The following PDE10A variants were observed in gnomAD, a reference collection of about 807,000 sequenced individuals.
PDE10A encodes the protein cAMP and cAMP-inhibited cGMP 3',5'-cyclic phosphodiesterase 10A.
PDE10A carries 39 observed loss-of-function variants against 97.7 expected under a neutral mutation model. The observed-to-expected ratio is 0.40, with a 90% CI of 0.31 to 0.52. The LOEUF is 0.52. Ranked by LOEUF, PDE10A falls within the 20% of genes least tolerant of loss-of-function variation. PDE10A has a pLI of 0.56. For synonymous variants in PDE10A, 371 were observed against 376.8 expected, an observed-to-expected ratio of 0.98 and a Z score of 0.18; for missense variants, 731 against 1,047.8, an observed-to-expected ratio of 0.70 and a Z score of 4.17.
chr6:165,482,318 G>T lies in PDE10A; in HGVS notation c.1020C>A (p.Ser340Arg). Reference sequence around the variant, plus strand: ...AAATAATATTCACATCACTTACCCTGCTGACTTCCTTAGGAGCTGATTCAT... The same window carrying T: ...AAATAATATTCACATCACTTACCCTTCTGACTTCCTTAGGAGCTGATTCAT... Reference protein sequence around the residue: ...SEDESAPKEVSRYQDTNMQGV... With the variant: ...SEDESAPKEVRRYQDTNMQGV... The change falls in exon 3 of 22, where the codon AGC (serine) becomes AGA (arginine). Residue 340 changes from serine to arginine, a missense_variant. Physicochemically the swap from Ser to Arg is moderately radical, Grantham distance 110. Coordinates refer to ENST00000539869, the MANE Select transcript of PDE10A (RefSeq NM_001385079.1). 1 of 1,595,092 alleles carries T rather than the reference G, an allele frequency of 6.3e-7. No homozygotes were observed. The highest frequency in any genetic ancestry group is 8.6e-7 in the Non-Finnish European group (1 of 1,162,938).
At chr6:165,659,050 T>C (rs1180097759) in intron 1 of PDE10A, among the ~76,000 whole-genome samples, 2 of 152,146 alleles carry the variant, frequency 1.3e-5, no homozygotes, top group African/African-American at 4.8e-5. Context: ...TGGCGGTAGC[T>C]CTTACTAAGT....
intron 1 of PDE10A, among the ~76,000 whole-genome samples, chr6:165,650,866 T>C (rs144962231): frequency 0.011 from 1,745 of 152,254 alleles, 12 homozygotes; most frequent in Middle Eastern, 0.02. Flanking sequence ...GCCTCCCCAG[T>C]AGCTGGGACT....
chr6:165,448,657 A>C (rs1034256858), intron 5 of PDE10A, among the ~76,000 whole-genome samples: 20 of 151,820 alleles, frequency 1.3e-4, no homozygotes, highest in Admixed American at 1.3e-4. Flanking sequence ...CACAACACTA[A>C]ATCTAGAAAT....
intron 1 of PDE10A, among the ~76,000 whole-genome samples, chr6:165,707,624 ATGTGT>A (rs1263164367): frequency 3.3e-5 from 5 of 151,316 alleles, no homozygotes; most frequent in Admixed American, 6.6e-5. Context: ...ATGTGTGAGC[ATGTGT>A]TGTGTGTGTG....
intron 1 of PDE10A, among the ~76,000 whole-genome samples, chr6:165,943,253 AGG>A (rs1235184282): frequency 6.4e-4 from 66 of 103,888 alleles, no homozygotes; most frequent in Non-Finnish European, 8.2e-4. Flanking sequence ...GAAGGAAGGA[AGG>A]AAGGAAGGAA....
Position 165,662,019 on chromosome 6 carries a change from A to C in PDE10A, c.793T>G (p.Ser265Ala). 6.7e-7 allele frequency: 1 copy of C among 1,503,336 alleles called. No homozygotes were observed. Among genetic ancestry groups the C allele is most frequent in the Non-Finnish European group, 8.9e-7 (1 of 1,117,374 alleles). 93.1% of individuals were successfully genotyped at this position (1,503,336 alleles called of 1,614,324 possible). The change falls in exon 1 of 22, where the codon TCC becomes GCC. Residue 265 changes from serine (S) to alanine (A), a missense_variant. By Grantham distance (99) the Ser-to-Ala change is moderately conservative. Coordinates refer to ENST00000539869, the MANE Select transcript of PDE10A (RefSeq NM_001385079.1). ...LAAAAALLFG[S>A]DMEDGPSNNA... ...TTAGAAGGTCCATCTTCCATGTCGG[A>C]GCCGAAGAGCAGCGCGGCCGCGGCG...
At chr6:165,894,154 A>G (rs1239566808) in intron 1 of PDE10A, 3 of 368,340 alleles carry the variant, frequency 8.1e-6, no homozygotes, top group African/African-American at 6.4e-5. Context: ...TGTTTGTTCA[A>G]TATGACAGCT....
At chr6:165,677,654 T>G (rs1486792827) in intron 1 of PDE10A, among the ~76,000 whole-genome samples, 2 of 152,198 alleles carry the variant, frequency 1.3e-5, no homozygotes, top group Non-Finnish European at 2.9e-5. Context: ...CCACATCATT[T>G]TATATCAGGG....
chr6:165,883,122 G>C (rs965314146), intron 1 of PDE10A, among the ~76,000 whole-genome samples: 1 of 152,212 alleles, frequency 6.6e-6, no homozygotes, highest in South Asian at 2.1e-4. Context: ...TGCAGTCCCA[G>C]CTACTCAGGA....
intron 1 of PDE10A, among the ~76,000 whole-genome samples, chr6:165,792,774 G>A (rs1042281624): frequency 6.6e-6 from 1 of 152,140 alleles, no homozygotes; most frequent in Non-Finnish European, 1.5e-5. Flanking sequence ...ACCCCTATCC[G>A]ACCTAACACG....
In PDE10A at chr6:165,831,264, T is replaced by C. The variant is rs139645693; in HGVS notation, c.-615+156265A>G. On this transcript the variant is annotated intron_variant, in intron 1 of 19. Transcript: ENST00000366882. ...GTAGGCGCCTGCAGTCCCAGCTACT[T>C]GGGAGGCTGAGGCAGGAGAATGGTG... 2.0e-3 allele frequency among the ~76,000 whole-genome samples: 281 copies of C among 141,190 alleles called. 1 individual carries two copies. Among genetic ancestry groups the C allele is most frequent in the African/African-American group, 6.9e-3 (262 of 37,828 alleles). The allele number at this position is 141,190 out of a possible 152,430, so 92.6% of individuals were successfully genotyped here.
rs372600844 is a variant in PDE10A at position 165,328,952 on chromosome 6, G to A, written c.*4073C>T. 3.9e-5 allele frequency: 6 copies of A among 152,292 alleles called. No individual in the cohort carries two copies. The East Asian group carries it at 5.8e-4, about 15-fold the overall frequency. The allele number at this position is 152,292 out of a possible 1,614,324, so 9.4% of individuals were successfully genotyped here. ...ACATGTAAAAATCTCATGGCCATGC[G>A]CTGAAAGCATGGGGAAACTATAACG... is the stretch of plus-strand genomic sequence containing the variant. On this transcript the variant is annotated 3_prime_UTR_variant, in exon 22 of 22. Coordinates refer to ENST00000539869, the MANE Select transcript of PDE10A (RefSeq NM_001385079.1).
chr6:165,709,668 G>C (rs1251862567), intron 1 of PDE10A, among the ~76,000 whole-genome samples: 1 of 32,730 alleles, frequency 3.1e-5, no homozygotes, highest in Non-Finnish European at 5.3e-5. Flanking sequence ...CCAATGCTGC[G>C]GCTCTCCCCC....
chr6:165,552,184 T>C (rs1183620695), intron 1 of PDE10A, among the ~76,000 whole-genome samples: 1 of 152,198 alleles, frequency 6.6e-6, no homozygotes, highest in Non-Finnish European at 1.5e-5. Flanking sequence ...TTCTTACTTA[T>C]TAGTAGGAAT....
chr6:165,367,930 A>G (rs1428159458), intron 18 of PDE10A, among the ~76,000 whole-genome samples: 1 of 152,238 alleles, frequency 6.6e-6, no homozygotes, highest in African/African-American at 2.4e-5. Flanking sequence ...TTGGATTTAC[A>G]TTAATGAATT....
chr6:165,896,889 TG>T (rs927677296), intron 1 of PDE10A, among the ~76,000 whole-genome samples: 1 of 151,986 alleles, frequency 6.6e-6, no homozygotes, highest in Non-Finnish European at 1.5e-5. Context: ...AGGCTGGTCG[TG>T]AACTCCAGAC....
intron 18 of PDE10A, among the ~76,000 whole-genome samples, chr6:165,372,021 TCAA>T (rs1339645618): frequency 6.6e-6 from 1 of 150,418 alleles, no homozygotes; most frequent in East Asian, 1.9e-4. Context: ...TTGACAAAAT[TCAA>T]CAACCCTTCA....
At chr6:165,789,027 T>A (rs1208609237) in intron 1 of PDE10A, among the ~76,000 whole-genome samples, 1 of 151,566 alleles carries the variant, frequency 6.6e-6, no homozygotes. Context: ...TCTGGCTGAG[T>A]GGAAGGAGGC....
At chr6:165,898,042 C>T (rs1357346090) in intron 1 of PDE10A, among the ~76,000 whole-genome samples, 5 of 150,926 alleles carry the variant, frequency 3.3e-5, no homozygotes, top group African/African-American at 7.3e-5. Flanking sequence ...CCTCCCACAT[C>T]GTGGCAAGGG....
Sources: allele counts gnomAD v4.1 joint callset (sites outside exome capture counted in the v4.1 genomes callset), GRCh38; gene constraint gnomAD v4.1.1; transcripts MANE v1.5; gene names NCBI Gene and HGNC (gene_info 2026-07-23, HGNC 2026-07-21).